The following CENPC variants were observed in gnomAD, a reference collection of about 807,000 sequenced individuals.
CENPC encodes the protein centromere protein C.
CENPC carries 63 observed loss-of-function variants against 112.1 expected under a neutral mutation model. That is an observed-to-expected ratio of 0.56 (90% CI 0.46 to 0.69). The LOEUF (loss-of-function observed/expected upper bound fraction) is 0.69, where lower values mean the gene tolerates loss of function less well. CENPC is among the 30% of genes least tolerant of loss of function. The pLI is 0.00. For synonymous variants in CENPC, 333 were observed against 367.6 expected (o/e 0.91, Z 1.08); for missense variants, 1,000 against 1,103.8 (o/e 0.91, Z 1.33).
chr4:67,543,371 A>G (rs905033138), intron 2 of CENPC, among the ~76,000 whole-genome samples: 4 of 152,156 alleles, frequency 2.6e-5, no homozygotes, highest in African/African-American at 9.6e-5. Flanking sequence ...AGGTCCACCA[A>G]AGTTACACTA....
chr4:67,545,125 G>C (rs1726992959), intron 1 of CENPC, among the ~76,000 whole-genome samples: 1 of 152,070 alleles, frequency 6.6e-6, no homozygotes, highest in African/African-American at 2.4e-5. Flanking sequence ...ACGAAATGAC[G>C]ACATGAAAAC....
chr4:67,518,921 C>CA (rs1451932701), intron 6 of CENPC, among the ~76,000 whole-genome samples: 1 of 152,090 alleles, frequency 6.6e-6, no homozygotes, highest in Admixed American at 6.6e-5. Context: ...CTTGCAATTA[C>CA]AAAAAATATT....
chr4:67,508,768 T>C (rs763705845), intron 10 of CENPC, 46 bp downstream of exon 10: 2 of 1,555,172 alleles, frequency 1.3e-6, no homozygotes, highest in East Asian at 2.3e-5. Context: ...AATTATTAAA[T>C]GCTGAACAAC....
At chr4:67,538,475 T>C (rs1256172780) in intron 4 of CENPC, among the ~76,000 whole-genome samples, 4 of 152,178 alleles carry the variant, frequency 2.6e-5, no homozygotes, top group Non-Finnish European at 5.9e-5. Flanking sequence ...AAGAGAATGA[T>C]TCTTGAGATG....
chr4:67,489,270 A>G (rs1391845123), intron 17 of CENPC, among the ~76,000 whole-genome samples: 1 of 151,060 alleles, frequency 6.6e-6, no homozygotes, highest in Non-Finnish European at 1.5e-5. Context: ...ATGTCTCTAA[A>G]TGGGGGTGGG....
In CENPC at chr4:67,519,126, G is replaced by A. The variant is rs951952977; in HGVS notation, c.617+91C>T. The A allele has an allele frequency of 1.1e-4, 103 of 921,912 alleles. No homozygotes were observed. In the Middle Eastern group the frequency reaches 1.4e-3, roughly 13 times the overall value. The allele number at this position is 921,912 out of a possible 1,614,324, so 57.1% of individuals were successfully genotyped here. On this transcript the variant is annotated intron_variant, in intron 6 of 18. Transcript: ENST00000273853. The stretch of plus-strand genomic sequence containing the variant: ...ATGTTAATATTCCTCCTTCCTTAGT[G>A]TAAAATAATATAACAAGATTGAATT...
At position 67,545,462 on chromosome 4, in the gene CENPC, C is replaced by A. The variant is rs1186249056; in HGVS notation, c.-107G>T. 2 of 1,240,970 alleles carry A rather than the reference C, an allele frequency of 1.6e-6. No homozygotes were observed. Among genetic ancestry groups the A allele is most frequent in the Non-Finnish European group, 2.2e-6 (2 of 926,352 alleles). 76.9% of individuals were successfully genotyped at this position (1,240,970 alleles called of 1,614,324 possible). On this transcript the variant is annotated 5_prime_UTR_variant, in exon 1 of 19. Transcript: ENST00000273853. ...GAATCGCCGGAATACCAGGCCGCGG[C>A]CAAGCAATAACCTTAAGTCTCAGGC...
At chr4:67,532,510 A>G (rs1726585068) in intron 4 of CENPC, among the ~76,000 whole-genome samples, 1 of 152,210 alleles carries the variant, frequency 6.6e-6, no homozygotes, top group African/African-American at 2.4e-5. Flanking sequence ...ATGTCCATCA[A>G]TGATAGAGTG....
chr4:67,480,183 G>T (rs1035323225), intron 17 of CENPC, among the ~76,000 whole-genome samples: 1 of 152,146 alleles, frequency 6.6e-6, no homozygotes, highest in Admixed American at 6.5e-5. Context: ...GCCAGAATTG[G>T]TGGCGCATGC....
At position 67,472,501 on chromosome 4, in the gene CENPC, A is replaced by G; in HGVS notation, c.*104T>C. On this transcript the variant is annotated 3_prime_UTR_variant, in exon 19 of 19. Coordinates refer to ENST00000273853, the MANE Select transcript of CENPC (RefSeq NM_001812.4). ...CTACAGAAAACTGAATAAAATTTTT[A>G]TTTTAAAACATCACAAGTAATTACA... 8.0e-7 allele frequency: 1 copy of G among 1,246,884 alleles called. No individual in the cohort carries two copies. 77.2% of individuals were successfully genotyped at this position (1,246,884 alleles called of 1,614,324 possible). A position where few individuals can be genotyped will look rare whatever the true frequency, so the allele number is the denominator to read the frequency against.
intron 10 of CENPC, among the ~76,000 whole-genome samples, chr4:67,507,404 A>G (rs929527871): frequency 2.0e-5 from 3 of 152,194 alleles, no homozygotes; most frequent in African/African-American, 7.2e-5. Context: ...TAGTGACTGT[A>G]TAATTCTTCA....
In CENPC at chr4:67,544,175, GT is replaced by G; in HGVS notation, c.38del (p.Tyr13SerfsTer54). The G allele has an allele frequency of 6.4e-7, 1 of 1,566,754 alleles. No homozygotes were observed. The highest frequency in any genetic ancestry group is 8.8e-7 in the Non-Finnish European group (1 of 1,138,312). On this transcript the variant is annotated frameshift_variant, in exon 2 of 19. Coordinates refer to ENST00000273853, the MANE Select transcript of CENPC (RefSeq NM_001812.4). LOFTEE classifies it high-confidence loss of function. Reference sequence around the variant, plus strand: ...TGGAAGGTCGACAAAATCTTCTTCTGTAGCCATTTTTGAGATGATCCTGAAA... The same window carrying G: ...TGGAAGGTCGACAAAATCTTCTTCTGAGCCATTTTTGAGATGATCCTGAAA... ...ASGLDHLKNG[Y>X]RRRFCRPSRA...
chr4:67,542,377 T>C (rs1285995063), intron 2 of CENPC, among the ~76,000 whole-genome samples: 1 of 152,154 alleles, frequency 6.6e-6, no homozygotes, highest in African/African-American at 2.4e-5. Flanking sequence ...ATTCCTATTA[T>C]TGAGAGCTGG....
rs1727011581 is a variant in CENPC, at chr4:67,545,501, G to A, written c.-146C>T. ...TAAGTCTCAGGCGACTGCCGCGAGAGCTGCGATCCGGAAGGCGCGCGCTAA... is the reference window on the plus strand; with the variant it reads ...TAAGTCTCAGGCGACTGCCGCGAGAACTGCGATCCGGAAGGCGCGCGCTAA... On this transcript the variant is annotated 5_prime_UTR_variant, in exon 1 of 19. Transcript: ENST00000273853. 2 of 735,268 alleles carry A rather than the reference G, an allele frequency of 2.7e-6. No individual in the cohort carries two copies. The highest frequency in any genetic ancestry group is 6.8e-5 in the East Asian group (2 of 29,582). 45.5% of individuals were successfully genotyped at this position (735,268 alleles called of 1,614,324 possible).
chr4:67,472,503 T>C lies in CENPC; in HGVS notation c.*102A>G, dbSNP rs1724694180. 2 of 1,250,944 alleles carry C rather than the reference T, an allele frequency of 1.6e-6. No homozygotes were observed. Among genetic ancestry groups the C allele is most frequent in the East Asian group, 6.2e-5 (2 of 32,360 alleles). The allele number at this position is 1,250,944 out of a possible 1,614,324, so 77.5% of individuals were successfully genotyped here. On this transcript the variant is annotated 3_prime_UTR_variant, in exon 19 of 19. Transcript: ENST00000273853. The stretch of plus-strand genomic sequence containing the variant: ...ACAGAAAACTGAATAAAATTTTTAT[T>C]TTAAAACATCACAAGTAATTACAAA...
At chr4:67,514,865 C>T (rs895161457) in intron 7 of CENPC, among the ~76,000 whole-genome samples, 178 bp from the exon 8 acceptor site, 5 of 151,888 alleles carry the variant, frequency 3.3e-5, no homozygotes, top group African/African-American at 7.3e-5. Flanking sequence ...TCTGTTCACC[C>T]TTATTTATAA....
At chr4:67,512,814 C>CA (rs1560433325) in intron 8 of CENPC, among the ~76,000 whole-genome samples, 1 of 151,668 alleles carries the variant, frequency 6.6e-6, no homozygotes, top group East Asian at 1.9e-4. Flanking sequence ...ACTCCTCAGC[C>CA]AAAAAAATAA....
rs143748580 is a variant in CENPC at position 67,527,103 on chromosome 4, T to C, written c.331+3712A>G. ...AGTGAAATGAACACAAAACATGAGA[T>C]ACAAAACCTGTGGAATACAGCTACA... On this transcript the variant is annotated intron_variant, in intron 5 of 18. Transcript: ENST00000273853. Among the ~76,000 whole-genome samples the C allele has an allele frequency of 2.0e-3, 300 of 152,182 alleles. 3 individuals are homozygous for C. Among genetic ancestry groups the C allele is most frequent in the African/African-American group, 7.0e-3 (290 of 41,538 alleles).
chr4:67,543,313 TTTCTATGTCTGG>T (rs1726939457), intron 2 of CENPC, among the ~76,000 whole-genome samples: 1 of 152,192 alleles, frequency 6.6e-6, no homozygotes, highest in Non-Finnish European at 1.5e-5. Flanking sequence ...GTTAAGTTAC[TTTCTATGTCTGG>T]AATATACTTT....
Sources: gnomAD v4.1 joint callset for allele counts (sites outside exome capture counted in the v4.1 genomes callset) on GRCh38, gnomAD v4.1.1 for gene constraint, MANE v1.5 for transcripts, NCBI Gene and HGNC (gene_info 2026-07-23, HGNC 2026-07-21) for gene names.